Variants in ITPR2 observed in about 807,000 individuals in gnomAD.
The protein encoded by ITPR2 is inositol 1,4,5-trisphosphate receptor type 2.
Under a neutral mutation model 317.1 loss-of-function variants are expected in ITPR2, and 207 were observed. That is an observed-to-expected ratio of 0.65 (90% CI 0.58 to 0.73). ITPR2 has a LOEUF of 0.73. Ranked by LOEUF, ITPR2 falls within the 30% of genes least tolerant of loss-of-function variation. The pLI is 0.00. For missense variants in ITPR2, 2,613 were observed against 3,284.0 expected (o/e 0.80, Z 4.99); for synonymous variants, 1,156 against 1,149.1 (o/e 1.01, Z -0.12).
At chr12:26,426,756 C>T (rs1358642427) in intron 49 of ITPR2, among the ~76,000 whole-genome samples, 1 of 151,490 alleles carries the variant, frequency 6.6e-6, no homozygotes, top group Non-Finnish European at 1.5e-5. Context: ...ACAGAATTGG[C>T]CATATTAGCT....
chr12:26,766,761 T>G (rs762348222), intron 2 of ITPR2, among the ~76,000 whole-genome samples: 11 of 152,228 alleles, frequency 7.2e-5, no homozygotes, highest in Non-Finnish European at 1.3e-4. Flanking sequence ...GTTCTTACGC[T>G]GAGGTCTATG....
At chr12:26,749,948 T>C (rs1308477890) in intron 2 of ITPR2, among the ~76,000 whole-genome samples, 1 of 152,136 alleles carries the variant, frequency 6.6e-6, no homozygotes, top group Non-Finnish European at 1.5e-5. Flanking sequence ...GAAGCCAGAA[T>C]TGAAAAACCC....
intron 21 of ITPR2, among the ~76,000 whole-genome samples, chr12:26,651,448 T>A (rs1467655939): frequency 6.6e-6 from 1 of 152,282 alleles, no homozygotes; most frequent in East Asian, 1.9e-4. Flanking sequence ...TTCTATTTCT[T>A]TCCTAAGTTC....
intron 10 of ITPR2, among the ~76,000 whole-genome samples, chr12:26,690,073 G>A (rs955981374): frequency 4.6e-5 from 7 of 152,202 alleles, no homozygotes; most frequent in African/African-American, 7.2e-5. Context: ...AGACTGCCTC[G>A]GAATATAAGG....
At chr12:26,716,966 C>T (rs577794440) in intron 5 of ITPR2, among the ~76,000 whole-genome samples, 2 of 152,204 alleles carry the variant, frequency 1.3e-5, no homozygotes, top group African/African-American at 4.8e-5. Context: ...CAATATCCAC[C>T]TTCTCTTTAA....
At chr12:26,440,527 CT>C (rs981011329) in intron 46 of ITPR2, among the ~76,000 whole-genome samples, 13 of 152,092 alleles carry the variant, frequency 8.5e-5, no homozygotes, top group Admixed American at 1.3e-4. Context: ...ACAATTGTCA[CT>C]GTGGTATTCT....
At chr12:26,675,108 A>T (rs970986593) in intron 13 of ITPR2, among the ~76,000 whole-genome samples, 41 of 152,080 alleles carry the variant, frequency 2.7e-4, no homozygotes, top group East Asian at 1.9e-3. Context: ...GGGACTGTAA[A>T]CTAGTTCAAC....
chr12:26,366,028 A>G (rs891659875), intron 55 of ITPR2, among the ~76,000 whole-genome samples: 1 of 152,238 alleles, frequency 6.6e-6, no homozygotes, highest in South Asian at 2.1e-4. Context: ...TACCAGTTAA[A>G]CCTCTTCTGC....
chr12:26,821,211 C>A (rs1950933231), intron 1 of ITPR2, among the ~76,000 whole-genome samples: 2 of 152,160 alleles, frequency 1.3e-5, no homozygotes, highest in African/African-American at 4.8e-5. Flanking sequence ...GCAGTGAAAT[C>A]CAGCTCACAC....
intron 37 of ITPR2, among the ~76,000 whole-genome samples, chr12:26,507,412 T>C (rs560469547): frequency 1.1e-4 from 16 of 152,326 alleles, no homozygotes; most frequent in South Asian, 4.1e-4. Context: ...ATGAATGTTA[T>C]TTTGGAAATC....
intron 37 of ITPR2, among the ~76,000 whole-genome samples, chr12:26,530,399 T>C (rs1177469918): frequency 6.6e-6 from 1 of 152,200 alleles, no homozygotes; most frequent in East Asian, 1.9e-4. Flanking sequence ...AGTTCATTGT[T>C]TGTGTTGCCA....
At chr12:26,680,591 A>G (rs990206265) in intron 13 of ITPR2, among the ~76,000 whole-genome samples, 2 of 152,338 alleles carry the variant, frequency 1.3e-5, no homozygotes, top group East Asian at 1.9e-4. Context: ...TCAAAATTCT[A>G]TCAATCAAAT....
chr12:26,509,958 T>TTTTTTGTGTGTGTGTGTGTG (rs1247091708), intron 37 of ITPR2, among the ~76,000 whole-genome samples: 1 of 53,196 alleles, frequency 1.9e-5, no homozygotes, highest in East Asian at 5.8e-4. Flanking sequence ...GATAAGGGTT[T>TTTTTTGTGTGTGTGTGTGTG]TGTGTGTGTG....
In ITPR2 at chr12:26,384,425, G is replaced by GA. The variant is rs1392383732; in HGVS notation, c.7857+3008_7857+3009insT. 2.3e-4 allele frequency among the ~76,000 whole-genome samples: 35 copies of GA among 152,302 alleles called. No homozygotes were observed. The East Asian group carries it at 6.4e-3, about 28-fold the overall frequency. ...CCATTAAAATTCAGGAATGGAGCTTGTTCTCTTGGATGTGCACTGCTTGGA... is the reference window on the plus strand; with the variant it reads ...CCATTAAAATTCAGGAATGGAGCTTGATTCTCTTGGATGTGCACTGCTTGGA... On this transcript the variant is annotated intron_variant, in intron 55 of 56. Coordinates refer to ENST00000381340, the MANE Select transcript of ITPR2 (RefSeq NM_002223.4).
chr12:26,711,033 G>T, intron 9 of ITPR2, 140 bp downstream of exon 9: 2 of 580,448 alleles, frequency 3.4e-6, no homozygotes, highest in Non-Finnish European at 6.2e-6. Context: ...TAATTTATAT[G>T]CCAATCCAGA....
intron 2 of ITPR2, among the ~76,000 whole-genome samples, chr12:26,758,706 T>G (rs1949574573): frequency 6.6e-6 from 1 of 152,192 alleles, no homozygotes; most frequent in Non-Finnish European, 1.5e-5. Flanking sequence ...CAAGGCTGTT[T>G]TACTTGCTGC....
chr12:26,378,848 A>C (rs1939421973), intron 55 of ITPR2, among the ~76,000 whole-genome samples: 1 of 152,156 alleles, frequency 6.6e-6, no homozygotes, highest in Non-Finnish European at 1.5e-5. Flanking sequence ...GCTCTGAACG[A>C]GTTCTCTTTT....
At chr12:26,702,470 A>C (rs1948466513) in intron 9 of ITPR2, among the ~76,000 whole-genome samples, 1 of 134,808 alleles carries the variant, frequency 7.4e-6, no homozygotes, top group African/African-American at 2.8e-5. Context: ...ACAGACTCTC[A>C]CTCTGTCGCC....
chr12:26,559,469 C>A (rs550452595), intron 35 of ITPR2, among the ~76,000 whole-genome samples: 54 of 152,272 alleles, frequency 3.5e-4, no homozygotes, highest in African/African-American at 1.1e-3. Context: ...GCTGTGTCCT[C>A]ACATGGTAGA....
Sources: gnomAD v4.1 joint callset for allele counts (sites outside exome capture counted in the v4.1 genomes callset) on GRCh38, gnomAD v4.1.1 for gene constraint, MANE v1.5 for transcripts, NCBI Gene and HGNC (gene_info 2026-07-23, HGNC 2026-07-21) for gene names.